The following AARS2 variants were observed in gnomAD, a reference collection of about 807,000 sequenced individuals.
AARS2 encodes the protein alanyl-tRNA synthetase 2, mitochondrial, also known as alanine--tRNA ligase, mitochondrial.
In AARS2, 78 loss-of-function variants were observed where a neutral mutation model predicts 119.7. The observed-to-expected ratio is 0.65, with a 90% CI of 0.54 to 0.79. The LOEUF (loss-of-function observed/expected upper bound fraction) is 0.79. AARS2 is among the 30% of genes least tolerant of loss of function. The probability of loss-of-function intolerance (pLI) is 0.00; values close to 1 mark genes in which losing one functional copy is unlikely to be tolerated. For synonymous variants in AARS2, 502 were observed against 526.3 expected (o/e 0.95, Z 0.63); for missense variants, 1,157 against 1,291.3 (o/e 0.90, Z 1.59).
At position 44,304,668 on chromosome 6, in the gene AARS2, A is replaced by G. The variant is rs1312193436; in HGVS notation, c.1729T>C (p.Tyr577His). 5 of 1,614,220 alleles carry G rather than the reference A, an allele frequency of 3.1e-6. No individual in the cohort carries two copies. The highest frequency in any genetic ancestry group is 4.2e-6 in the Non-Finnish European group (5 of 1,180,046). Residue 577 changes from tyrosine (Y) to histidine (H), a missense_variant, in exon 12 of 22, where the codon TAC becomes CAC. Tyr to His is a moderately conservative substitution (Grantham distance 83, BLOSUM62 2). Coordinates refer to ENST00000244571, the MANE Select transcript of AARS2 (RefSeq NM_020745.4). The part of the protein sequence containing the change: ...EQGGQASDRG[Y>H]LVRAGQEDVL... ...ACCTCTTGCCCTGCCCGCACCAGGT[A>G]GCCACGGTCTGAAGCCTGGCCCCCC... is the stretch of plus-strand genomic sequence containing the variant.
rs146924860 is a variant in AARS2 at position 44,304,737 on chromosome 6, G to A, written c.1660C>T (p.Arg554Cys). Residue 554 changes from arginine to cysteine, a missense_variant, in exon 12 of 22, where the codon CGC becomes TGC. Transcript: ENST00000244571. ...GTCCTGTCCAAGAGGAGGCCACAGC[G>A]CTGGCCTTTCCCCACGGAGGCCACT... ...TAVASVGKGQRCGLLLDRTNF... is the reference protein window; with the variant it reads ...TAVASVGKGQCCGLLLDRTNF... 1,165 of 1,614,204 alleles carry A rather than the reference G, an allele frequency of 7.2e-4. No individual in the cohort carries two copies. The highest frequency in any genetic ancestry group is 8.6e-4 in the Non-Finnish European group (1,017 of 1,180,038).
Position 44,313,144 on chromosome 6 carries a change from G to A in AARS2, c.180C>T (p.Pro60=), listed in dbSNP as rs1786521340. ...CGCCGCGGGGCCGCACGGAAGCGGAGGGCACCAGCCGGTGGCCATGGCGGT... is the reference window on the plus strand; with the variant it reads ...CGCCGCGGGGCCGCACGGAAGCGGAAGGCACCAGCCGGTGGCCATGGCGGT... The part of the protein sequence containing the change: ...FRDRHGHRLV[P]SASVRPRGDP... Residue 60 remains proline, a synonymous_variant, in exon 1 of 22, where the codon CCC becomes CCT. Coordinates refer to ENST00000244571, the MANE Select transcript of AARS2 (RefSeq NM_020745.4). 1 of 1,611,724 alleles carries A rather than the reference G, an allele frequency of 6.2e-7. No homozygotes were observed. Among genetic ancestry groups the A allele is most frequent in the Non-Finnish European group, 8.5e-7 (1 of 1,179,552 alleles).
intron 16 of AARS2, 40 bp downstream of exon 16, chr6:44,303,026 C>T (rs546686376): frequency 6.2e-7 from 1 of 1,610,918 alleles, no homozygotes; most frequent in South Asian, 1.1e-5. Flanking sequence ...GGGCAAGGAT[C>T]CGGGGCCCCT....
rs1785295103 is a variant in AARS2 at position 44,300,857 on chromosome 6, A to G, written c.2794-146T>C. 4 of 1,089,280 alleles carry G rather than the reference A, an allele frequency of 3.7e-6. No individual in the cohort carries two copies. In the African/African-American group the frequency reaches 4.6e-5, roughly 13 times the overall value. 67.5% of individuals were successfully genotyped at this position (1,089,280 alleles called of 1,614,324 possible). On this transcript the variant is annotated intron_variant, in intron 21 of 21. Coordinates refer to ENST00000244571, the MANE Select transcript of AARS2 (RefSeq NM_020745.4). ...GTGGGGCAGTCAGGTGATGAGCCGG[A>G]GAAGGTTTGGGCTGGAAATGTGTGT...
chr6:44,303,446 G>C, intron 14 of AARS2, 23 bp from the exon 15 acceptor site: 1 of 1,613,818 alleles, frequency 6.2e-7, no homozygotes, highest in South Asian at 1.1e-5. Context: ...GGAGGAAATG[G>C]AAAGACCAAC....
rs1785736114 is a variant in AARS2, at chr6:44,305,218, A to G, written c.1435-20T>C. Reference sequence around the variant, plus strand: ...CCGGTGCTGCAGGGTGGGCATGGGCATGGAAGAAGTGCATGGAGAATGAAA... The same window carrying G: ...CCGGTGCTGCAGGGTGGGCATGGGCGTGGAAGAAGTGCATGGAGAATGAAA... On this transcript the variant is annotated intron_variant, in intron 10 of 21. Coordinates refer to ENST00000244571, the MANE Select transcript of AARS2 (RefSeq NM_020745.4). The surrounding 1 kb of genome is among the most constrained non-coding windows in gnomAD (Gnocchi z 4.6). The G allele has an allele frequency of 6.2e-7, 1 of 1,609,234 alleles. No individual in the cohort carries two copies. The highest frequency in any genetic ancestry group is 1.7e-5 in the Admixed American group (1 of 60,022).
rs932555323 is a variant in AARS2, at chr6:44,305,331, G to A, written c.1435-133C>T. 3 of 1,404,808 alleles carry A rather than the reference G, an allele frequency of 2.1e-6. No homozygotes were observed. The highest frequency in any genetic ancestry group is 2.0e-6 in the Non-Finnish European group (2 of 1,018,504). 87.0% of individuals were successfully genotyped at this position (1,404,808 alleles called of 1,614,324 possible). On this transcript the variant is annotated intron_variant, in intron 10 of 21. Coordinates refer to ENST00000244571, the MANE Select transcript of AARS2 (RefSeq NM_020745.4). The surrounding 1 kb of genome is among the most constrained non-coding windows in gnomAD (Gnocchi z 4.6). ...AGCCCTTCTGGAATAAGAACTCAGG[G>A]CTTGGCTGGCTGCTAGAGCCCCTGA...
In AARS2 at chr6:44,302,927, T is replaced by C. The variant is rs913889445; in HGVS notation, c.2256-17A>G. On this transcript the variant is annotated splice_polypyrimidine_tract_variant and intron_variant, in intron 16 of 21. Transcript: ENST00000244571. ...AACAGGTGCCTGTGGGAGGAAGGAG[T>C]GAACAGAAAGTCGGGGCATGACAGT... The C allele has an allele frequency of 4.3e-6, 7 of 1,611,868 alleles. No homozygotes were observed. The highest frequency in any genetic ancestry group is 5.9e-6 in the Non-Finnish European group (7 of 1,178,676).
chr6:44,311,029 TACCAGCTGGGGGGCTCCCACCCC>T lies in AARS2; in HGVS notation c.691_713del (p.Gly231ArgfsTer47), dbSNP rs1377085304. 6.2e-7 allele frequency: 1 copy of T among 1,613,996 alleles called. No homozygotes were observed. The highest frequency in any genetic ancestry group is 8.5e-7 in the Non-Finnish European group (1 of 1,180,024). ...GCATGAAGACCAGGTTCCAAAGCTC[TACCAGCTGGGGGGCTCCCACCCC>T]ACCAGCAAGGTCGTAGTGGATCTCA... On this transcript the variant is annotated frameshift_variant, in exon 4 of 22. Transcript: ENST00000244571. LOFTEE classifies it high-confidence loss of function.
chr6:44,302,488 G>C lies in AARS2; in HGVS notation c.2390C>G (p.Ala797Gly). The C allele has an allele frequency of 1.2e-6, 2 of 1,614,124 alleles. No individual in the cohort carries two copies. Among genetic ancestry groups the C allele is most frequent in the Non-Finnish European group, 1.7e-6 (2 of 1,180,030 alleles). The change falls in exon 18 of 22, where the codon GCC (alanine) becomes GGC (glycine). Residue 797 changes from alanine (A) to glycine (G), a missense_variant. By Grantham distance (60) the Ala-to-Gly change is moderately conservative. Transcript: ENST00000244571. ...CTCAGTGGCCGCTTTCACTTCCTGG[G>C]CCAGGCTCTGGCCTAGCTCTCGGGC... is the stretch of plus-strand genomic sequence containing the variant. ...QQARELGQSL[A>G]QEVKAATERL...
At position 44,303,363 on chromosome 6, in the gene AARS2, G is replaced by A; in HGVS notation, c.2068C>T (p.Gln690Ter). ...TCCTCCATGTACACAGCCTCATCCTGCCCCACGGCCTCCTGCACAGTGTTC... is the reference window on the plus strand; with the variant it reads ...TCCTCCATGTACACAGCCTCATCCTACCCCACGGCCTCCTGCACAGTGTTC... Reference protein sequence around the residue: ...VENTVQEAVGQDEAVYMEEVP... With the variant: ...VENTVQEAVG The change falls in exon 15 of 22, where the codon CAG becomes TAG. Residue 690 changes from glutamine (Q) to a stop codon, truncating the protein, a stop_gained. Transcript: ENST00000244571. LOFTEE classifies it high-confidence loss of function. The A allele has an allele frequency of 6.2e-7, 1 of 1,614,036 alleles. No homozygotes were observed. The highest frequency in any genetic ancestry group is 8.5e-7 in the Non-Finnish European group (1 of 1,180,016).
rs1347714671 is a variant in AARS2 at position 44,301,168 on chromosome 6, A to G, written c.2781T>C (p.Cys927=). 6.2e-7 allele frequency: 1 copy of G among 1,613,472 alleles called. No homozygotes were observed. The highest frequency in any genetic ancestry group is 8.5e-7 in the Non-Finnish European group (1 of 1,179,824). Residue 927 remains cysteine, a synonymous_variant, in exon 21 of 22, where the codon TGT becomes TGC. Coordinates refer to ENST00000244571, the MANE Select transcript of AARS2 (RefSeq NM_020745.4). ...CCACTTCCCTCACCTGGGCCACCTG[A>G]CAGGCACACAGCACCTTCCCCATGG... ...PQPMGKVLCA[C]QVAQGAMPTF... is the part of the protein sequence containing the mutation.
At position 44,302,804 on chromosome 6, in the gene AARS2, G is replaced by C. The variant is rs1257761446; in HGVS notation, c.2362C>G (p.Gln788Glu). The change falls in exon 17 of 22, where the codon CAG (glutamine) becomes GAG (glutamate). Residue 788 changes from glutamine to glutamate, a missense_variant and splice_region_variant. Transcript: ENST00000244571. ...CCCAGGCCTACTGGCATGCTGACCT[G>C]CTGGGCCTGCTCCCCAGTGACGGCC... ...LLAVTGEQAQ[Q>E]ARELGQSLAQ... 1.9e-6 allele frequency: 3 copies of C among 1,612,956 alleles called. No homozygotes were observed. The Admixed American group carries it at 5.0e-5, about 27-fold the overall frequency.
At chr6:44,308,287 C>T (rs1307519497) in intron 5 of AARS2, among the ~76,000 whole-genome samples, 4 of 152,138 alleles carry the variant, frequency 2.6e-5, no homozygotes, top group Non-Finnish European at 5.9e-5. Flanking sequence ...CCTGTAATCT[C>T]AACACTTTGG....
intron 21 of AARS2, 73 bp from the exon 22 acceptor site, chr6:44,300,784 A>G: frequency 6.4e-7 from 1 of 1,555,616 alleles, no homozygotes. Context: ...GGTACCCTCA[A>G]GAGTGGAGCT....
At position 44,305,227 on chromosome 6, in the gene AARS2, G is replaced by C. The variant is rs1165750877; in HGVS notation, c.1435-29C>G. The C allele has an allele frequency of 6.2e-7, 1 of 1,607,514 alleles. No individual in the cohort carries two copies. Among genetic ancestry groups the C allele is most frequent in the Non-Finnish European group, 8.5e-7 (1 of 1,179,998 alleles). The stretch of plus-strand genomic sequence containing the variant: ...CAGGGTGGGCATGGGCATGGAAGAA[G>C]TGCATGGAGAATGAAAGAATGAAAG... On this transcript the variant is annotated intron_variant, in intron 10 of 21. Transcript: ENST00000244571. This position sits in a 1 kb window ranked among gnomAD's most constrained non-coding sequence, Gnocchi z 4.6.
intron 5 of AARS2, among the ~76,000 whole-genome samples, chr6:44,309,640 C>T (rs1009643012): frequency 6.6e-6 from 1 of 152,198 alleles, no homozygotes; most frequent in Non-Finnish European, 1.5e-5. Flanking sequence ...CTCTCTCTTC[C>T]CCAAGCTTCT....
At chr6:44,312,904 C>G (rs2153357948) in intron 1 of AARS2, among the ~76,000 whole-genome samples, 177 bp downstream of exon 1, 1 of 152,260 alleles carries the variant, frequency 6.6e-6, no homozygotes, top group Non-Finnish European at 1.5e-5. Context: ...CAAGCCCTCC[C>G]CAAGCCCTCC....
intron 19 of AARS2, among the ~76,000 whole-genome samples, 196 bp from the exon 20 acceptor site, chr6:44,301,660 C>T (rs1341187019): frequency 1.3e-5 from 2 of 152,184 alleles, no homozygotes; most frequent in African/African-American, 4.8e-5. Context: ...TGTCCTTCCT[C>T]ACTTCCCTCA....
Sources: gnomAD v4.1 joint callset for allele counts (sites outside exome capture counted in the v4.1 genomes callset) on GRCh38, gnomAD v4.1.1 for gene constraint, Gnocchi (gnomAD v3.1) non-coding constraint, MANE v1.5 for transcripts, NCBI Gene and HGNC (gene_info 2026-07-23, HGNC 2026-07-21) for gene names.